DNAJC15: variants seen among roughly 807,000 people sequenced by gnomAD.
DNAJC15 encodes DnaJ heat shock protein family (Hsp40) member C15, also known as dnaJ homolog subfamily C member 15.
DNAJC15 carries 27 observed loss-of-function variants against 22.4 expected under a neutral mutation model. That is an observed-to-expected ratio of 1.20 (90% CI 0.89 to 1.66). DNAJC15 has a LOEUF of 1.66. DNAJC15 is among the 40% of genes most tolerant of loss of function. DNAJC15 has a pLI of 0.00. For synonymous variants in DNAJC15, 79 were observed against 63.2 expected (o/e 1.25, Z -1.19); for missense variants, 208 against 187.1 (o/e 1.11, Z -0.65).
intron 1 of DNAJC15, among the ~76,000 whole-genome samples, chr13:43,049,224 CTA>C (rs1469011187): frequency 6.6e-6 from 1 of 152,222 alleles, no homozygotes; most frequent in Middle Eastern, 3.2e-3. Context: ...GGTACCAACA[CTA>C]TGCCTGATTC....
chr13:43,091,325 TG>T (rs1310971079), intron 5 of DNAJC15, among the ~76,000 whole-genome samples: 1 of 152,272 alleles, frequency 6.6e-6, no homozygotes, highest in East Asian at 1.9e-4. Context: ...TGACGTCAGG[TG>T]TTCTGCCTGC....
intron 1 of DNAJC15, among the ~76,000 whole-genome samples, chr13:43,036,800 G>T (rs896899285): frequency 1.3e-5 from 2 of 152,362 alleles, no homozygotes. Flanking sequence ...GGCTGAAGTG[G>T]CAGGGGGCTG....
intron 1 of DNAJC15, among the ~76,000 whole-genome samples, chr13:43,065,360 T>C (rs998407551): frequency 3.3e-5 from 5 of 152,192 alleles, no homozygotes; most frequent in African/African-American, 1.2e-4. Context: ...TTTATCTTTA[T>C]AGAAGATAAA....
intron 1 of DNAJC15, among the ~76,000 whole-genome samples, chr13:43,036,635 G>T (rs1405319784): frequency 6.6e-6 from 1 of 152,156 alleles, no homozygotes; most frequent in East Asian, 1.9e-4. Flanking sequence ...ACCCTTTCCT[G>T]CCCAGGAAAC....
At chr13:43,038,610 G>A (rs1191818544) in intron 1 of DNAJC15, among the ~76,000 whole-genome samples, 1 of 152,128 alleles carries the variant, frequency 6.6e-6, no homozygotes, top group Non-Finnish European at 1.5e-5. Flanking sequence ...GGCTAACACA[G>A]TGAAACTCTG....
Position 43,111,643 on chromosome 13 carries a change from A to G in DNAJC15, c.*4395A>G, listed in dbSNP as rs1417019465. On this transcript the variant is annotated 3_prime_UTR_variant, in exon 6 of 6. Coordinates refer to ENST00000379221, the MANE Select transcript of DNAJC15 (RefSeq NM_013238.3). Reference sequence around the variant, plus strand: ...TCAACCAACTTAAGATGAGCTACGGAGACTGCAGTGAAAAGTTAAATATCC... The same window carrying G: ...TCAACCAACTTAAGATGAGCTACGGGGACTGCAGTGAAAAGTTAAATATCC... 2 of 152,186 alleles carry G rather than the reference A, an allele frequency of 1.3e-5. No individual in the cohort carries two copies. Among genetic ancestry groups the G allele is most frequent in the Admixed American group, 6.5e-5 (1 of 15,276 alleles). 9.4% of individuals were successfully genotyped at this position (152,186 alleles called of 1,614,324 possible).
intron 1 of DNAJC15, among the ~76,000 whole-genome samples, chr13:43,024,653 G>GT (rs939644387): frequency 3.3e-5 from 5 of 151,928 alleles, no homozygotes; most frequent in Admixed American, 6.6e-5. Flanking sequence ...ATATTTTTAA[G>GT]TTTTTTGTAG....
At chr13:43,073,260 T>C (rs1362086632) in intron 3 of DNAJC15, among the ~76,000 whole-genome samples, 1 of 152,218 alleles carries the variant, frequency 6.6e-6, no homozygotes, top group Non-Finnish European at 1.5e-5. Context: ...AACAGGCATG[T>C]CTTTCAGAGC....
chr13:43,104,553 G>A (rs937156733), intron 5 of DNAJC15, among the ~76,000 whole-genome samples: 1 of 152,186 alleles, frequency 6.6e-6, no homozygotes, highest in African/African-American at 2.4e-5. Context: ...GCCATATTTA[G>A]TGGTAGAAGT....
At position 43,023,654 on chromosome 13, in the gene DNAJC15, G is replaced by A; in HGVS notation, c.28G>A (p.Val10Ile). The A allele has an allele frequency of 1.9e-6, 3 of 1,612,512 alleles. No individual in the cohort carries two copies. Among genetic ancestry groups the A allele is most frequent in the Non-Finnish European group, 2.5e-6 (3 of 1,179,390 alleles). The change falls in exon 1 of 6, where the codon GTT becomes ATT. Residue 10 changes from valine (V) to isoleucine (I), a missense_variant. By Grantham distance (29) the Val-to-Ile change is conservative. Coordinates refer to ENST00000379221, the MANE Select transcript of DNAJC15 (RefSeq NM_013238.3). MAARGVIAPVGESLRYAEYL... is the reference protein window; with the variant it reads MAARGVIAPIGESLRYAEYL... ...GGCTGCCCGTGGTGTCATCGCTCCAGTTGGCGAGAGTTTGCGCTACGCTGA... is the reference window on the plus strand; with the variant it reads ...GGCTGCCCGTGGTGTCATCGCTCCAATTGGCGAGAGTTTGCGCTACGCTGA...
At chr13:43,059,513 C>T (rs146001480) in intron 1 of DNAJC15, among the ~76,000 whole-genome samples, 60 of 152,224 alleles carry the variant, frequency 3.9e-4, no homozygotes, top group African/African-American at 1.3e-3. Flanking sequence ...TACGGGCGTG[C>T]GCCACCATGC....
intron 5 of DNAJC15, among the ~76,000 whole-genome samples, chr13:43,106,167 T>C (rs1038852184): frequency 3.3e-5 from 5 of 152,206 alleles, no homozygotes; most frequent in African/African-American, 1.2e-4. Flanking sequence ...AGCTAGATGC[T>C]TTTTGGTTTG....
In DNAJC15 at chr13:43,023,608, GTC is replaced by G. The variant is rs2040362308; in HGVS notation, c.-16_-15del. 6.2e-7 allele frequency: 1 copy of G among 1,602,608 alleles called. No individual in the cohort carries two copies. The highest frequency in any genetic ancestry group is 8.5e-7 in the Non-Finnish European group (1 of 1,174,694). The stretch of plus-strand genomic sequence containing the variant: ...CGTAGTCACTGCCGCGGCGCCTTGA[GTC>G]TCCGGGCCGCCTTGCCATGGCTGCC... On this transcript the variant is annotated 5_prime_UTR_variant, in exon 1 of 6. Coordinates refer to ENST00000379221, the MANE Select transcript of DNAJC15 (RefSeq NM_013238.3).
Position 43,042,452 on chromosome 13 carries a change from C to T in DNAJC15, c.108+18718C>T, listed in dbSNP as rs2040458540. Among the ~76,000 whole-genome samples the T allele has an allele frequency of 2.0e-5, 3 of 152,274 alleles. No individual in the cohort carries two copies. In the South Asian group the frequency reaches 6.2e-4, roughly 32 times the overall value. ...ACTCTCCTGTGTTAGGGACAGGGAT[C>T]AATCATAACATCTTTACATGAAGGG... On this transcript the variant is annotated intron_variant, in intron 1 of 5. Coordinates refer to ENST00000379221, the MANE Select transcript of DNAJC15 (RefSeq NM_013238.3).
chr13:43,039,933 T>A (rs2040445394), intron 1 of DNAJC15, among the ~76,000 whole-genome samples: 1 of 152,106 alleles, frequency 6.6e-6, no homozygotes. Context: ...ACAGGAGAAT[T>A]GGTTGTACAC....
chr13:43,079,388 AT>A (rs2040651146), intron 4 of DNAJC15, among the ~76,000 whole-genome samples: 1 of 152,148 alleles, frequency 6.6e-6, no homozygotes, highest in Non-Finnish European at 1.5e-5. Flanking sequence ...TATCTTGTAA[AT>A]TTTTTAAAAT....
intron 5 of DNAJC15, among the ~76,000 whole-genome samples, chr13:43,096,664 G>T (rs965023049): frequency 6.6e-6 from 1 of 152,192 alleles, no homozygotes; most frequent in Non-Finnish European, 1.5e-5. Flanking sequence ...TAGTAGATAG[G>T]TAATTGGTAG....
intron 5 of DNAJC15, among the ~76,000 whole-genome samples, chr13:43,102,559 A>G (rs540789038): frequency 2.0e-3 from 306 of 152,304 alleles, no homozygotes; most frequent in Non-Finnish European, 3.6e-3. Flanking sequence ...CAGTGAGCCA[A>G]GATCTAGCCA....
rs377531958 is a variant in DNAJC15, at chr13:43,083,684, G to C, written c.312-2084G>C. On this transcript the variant is annotated intron_variant, in intron 4 of 5. Transcript: ENST00000379221. ...AATCATTGAGCTGTAATTTTTCAGTGTAATTTTTTTTGTTTCTTAATAGGC... is the reference window on the plus strand; with the variant it reads ...AATCATTGAGCTGTAATTTTTCAGTCTAATTTTTTTTGTTTCTTAATAGGC... Among the ~76,000 whole-genome samples the C allele has an allele frequency of 8.5e-5, 13 of 152,246 alleles. No homozygotes were observed. In the East Asian group the frequency reaches 2.5e-3, roughly 29 times the overall value.
Sources: gnomAD v4.1 joint callset for allele counts (sites outside exome capture counted in the v4.1 genomes callset) on GRCh38, gnomAD v4.1.1 for gene constraint, MANE v1.5 for transcripts, NCBI Gene and HGNC (gene_info 2026-07-23, HGNC 2026-07-21) for gene names.